DNAI4: variants seen among roughly 807,000 people sequenced by gnomAD.
DNAI4 encodes the protein WD repeat domain 78.
Under a neutral mutation model 105.8 loss-of-function variants are expected in DNAI4, and 85 were observed. That is an observed-to-expected ratio of 0.80 (90% CI 0.67 to 0.96). The LOEUF (loss-of-function observed/expected upper bound fraction) is 0.96. Ranked by LOEUF, DNAI4 falls within the 40% of genes least tolerant of loss-of-function variation. The pLI, the probability that DNAI4 is intolerant of heterozygous loss-of-function variation, is 0.00. For missense variants in DNAI4, 1,014 were observed against 1,005.6 expected (o/e 1.01, Z -0.11); for synonymous variants, 352 against 331.5 (o/e 1.06, Z -0.67).
At chr1:66,923,555 G>C (rs2100925764) in intron 1 of DNAI4, among the ~76,000 whole-genome samples, 1 of 152,244 alleles carries the variant, frequency 6.6e-6, no homozygotes. Flanking sequence ...ATCGAGAAGC[G>C]ATAAACCCGA....
intron 16 of DNAI4, among the ~76,000 whole-genome samples, chr1:66,821,857 T>A (rs1645633697): frequency 6.6e-6 from 1 of 152,150 alleles, no homozygotes; most frequent in Non-Finnish European, 1.5e-5. Context: ...TTTTAAATAA[T>A]AGGCATCTAT....
chr1:66,817,673 T>C lies in DNAI4; in HGVS notation c.2497-3493A>G, dbSNP rs1035260240. ...ATCCTACTGCATAGGAAAACTGTAA[T>C]AATTTAGAATTTAATGATACAGTAA... On this transcript the variant is annotated intron_variant, in intron 16 of 16. Transcript: ENST00000371026. 5.3e-5 allele frequency among the ~76,000 whole-genome samples: 8 copies of C among 152,048 alleles called. No homozygotes were observed. In the East Asian group the frequency reaches 1.2e-3, roughly 22 times the overall value.
At position 66,822,494 on chromosome 1, in the gene DNAI4, G is replaced by C. The variant is rs1277635540; in HGVS notation, c.2363C>G (p.Thr788Ser). ...ISTLDPLIVN[T>S]ANPGIKFTTI... ...TGTGAACTTGATTCCAGGGTTAGCA[G>C]TATTCACAATCAGAGGGTCCAAACT... The change falls in exon 16 of 17, where the codon ACT becomes AGT. Residue 788 changes from threonine to serine, a missense_variant. Coordinates refer to ENST00000371026, the MANE Select transcript of DNAI4 (RefSeq NM_024763.5). 2.5e-6 allele frequency: 4 copies of C among 1,610,140 alleles called. No individual in the cohort carries two copies. The South Asian group carries it at 4.4e-5, about 18-fold the overall frequency.
At chr1:66,911,161 G>T (rs1180574667) in intron 1 of DNAI4, among the ~76,000 whole-genome samples, 1 of 152,092 alleles carries the variant, frequency 6.6e-6, no homozygotes, top group Non-Finnish European at 1.5e-5. Flanking sequence ...CCTCTCCTTG[G>T]GTTCAGTTAA....
intron 7 of DNAI4, among the ~76,000 whole-genome samples, chr1:66,850,162 C>T (rs1205825489): frequency 1.6e-5 from 2 of 128,726 alleles, no homozygotes; most frequent in East Asian, 2.9e-4. Context: ...AAAAAAAAAT[C>T]TAGAAAGCAG....
chr1:66,891,396 T>C (rs1040288088), intron 3 of DNAI4, 130 bp from the exon 4 acceptor site: 5 of 585,296 alleles, frequency 8.5e-6, no homozygotes, highest in Non-Finnish European at 1.5e-5. Flanking sequence ...AATAGATACA[T>C]TAATTTTTAA....
At chr1:66,819,597 A>G (rs867095281) in intron 16 of DNAI4, among the ~76,000 whole-genome samples, 15 of 152,140 alleles carry the variant, frequency 9.9e-5, no homozygotes, top group Admixed American at 9.8e-4. Flanking sequence ...AGGGGCTCAT[A>G]CTAGTAAGAA....
chr1:66,915,081 G>C (rs776985509), intron 1 of DNAI4, among the ~76,000 whole-genome samples: 17 of 151,940 alleles, frequency 1.1e-4, no homozygotes, highest in Non-Finnish European at 2.5e-4. Context: ...TTTGGCAAAG[G>C]GTTTATAAAA....
intron 9 of DNAI4, among the ~76,000 whole-genome samples, chr1:66,840,253 T>C (rs1488493850): frequency 6.6e-6 from 1 of 152,222 alleles, no homozygotes; most frequent in Non-Finnish European, 1.5e-5. Context: ...ACATATTAAA[T>C]GTTTACTATA....
At chr1:66,862,087 A>G in intron 7 of DNAI4, 60 bp downstream of exon 7, 1 of 1,477,010 alleles carries the variant, frequency 6.8e-7, no homozygotes, top group South Asian at 1.4e-5. Context: ...GCCAAAAAAG[A>G]ATTTATTAAA....
chr1:66,821,902 A>C (rs972859895), intron 16 of DNAI4, among the ~76,000 whole-genome samples: 1 of 152,166 alleles, frequency 6.6e-6, no homozygotes, highest in Non-Finnish European at 1.5e-5. Flanking sequence ...TCGACACAAA[A>C]CTTGGGTATT....
intron 1 of DNAI4, among the ~76,000 whole-genome samples, chr1:66,917,441 A>G (rs1210039101): frequency 2.0e-5 from 3 of 152,324 alleles, no homozygotes; most frequent in East Asian, 3.9e-4. Flanking sequence ...ATAACTTTGC[A>G]GATTGTGACA....
intron 3 of DNAI4, among the ~76,000 whole-genome samples, chr1:66,892,360 G>T (rs1021581500): frequency 6.6e-6 from 1 of 151,956 alleles, no homozygotes; most frequent in African/African-American, 2.4e-5. Context: ...GGGAGAGGAG[G>T]GGAAAAAAGG....
Position 66,834,113 on chromosome 1 carries a change from T to C in DNAI4, c.1769A>G (p.Gln590Arg). 1 of 1,609,032 alleles carries C rather than the reference T, an allele frequency of 6.2e-7. No homozygotes were observed. The highest frequency in any genetic ancestry group is 1.3e-5 in the African/African-American group (1 of 74,764). The stretch of plus-strand genomic sequence containing the variant: ...TCGATCTTGTTCTATCCACTGTAGT[T>C]GCCATACAGGTCCCAAATGTTTTTG... ...SPQKHLGPVW[Q>R]LQWIEQDRGT... Residue 590 changes from glutamine to arginine, a missense_variant, in exon 12 of 17, where the codon CAA (glutamine) becomes CGA (arginine). Transcript: ENST00000371026.
intron 7 of DNAI4, among the ~76,000 whole-genome samples, chr1:66,861,294 C>A (rs1297484546): frequency 6.6e-6 from 1 of 151,706 alleles, no homozygotes; most frequent in African/African-American, 2.4e-5. Context: ...AAAAATTTGC[C>A]AAAACTTAAA....
chr1:66,893,063 G>GAGAAAGAAAGAAAGAA (rs768595484), intron 3 of DNAI4, among the ~76,000 whole-genome samples, 166 bp downstream of exon 3: 3,747 of 89,430 alleles, frequency 0.042, 175 homozygotes, highest in Admixed American at 0.055. Context: ...AAGAGAGAGA[G>GAGAAAGAAAGAAAGAA]AGAAAGAAAG....
chr1:66,872,217 A>ATTAT (rs1553222758), intron 5 of DNAI4, among the ~76,000 whole-genome samples: 208 of 117,496 alleles, frequency 1.8e-3, no homozygotes, highest in East Asian at 3.1e-3. Context: ...TTATTTATTT[A>ATTAT]TTATTTATTT....
chr1:66,892,041 T>C (rs1185089893), intron 3 of DNAI4, among the ~76,000 whole-genome samples: 1 of 152,342 alleles, frequency 6.6e-6, no homozygotes, highest in East Asian at 1.9e-4. Context: ...TTTCATTTTA[T>C]AAAGGCCTTC....
chr1:66,904,670 T>C (rs1032937471), intron 2 of DNAI4, among the ~76,000 whole-genome samples: 1 of 152,142 alleles, frequency 6.6e-6, no homozygotes, highest in African/African-American at 2.4e-5. Flanking sequence ...AGAAAAAGTT[T>C]TAATTTTGAT....
Sources: allele counts gnomAD v4.1 joint callset (sites outside exome capture counted in the v4.1 genomes callset), GRCh38; gene constraint gnomAD v4.1.1; transcripts MANE v1.5; gene names NCBI Gene and HGNC (gene_info 2026-07-23, HGNC 2026-07-21).